Variants in ZNF787 observed in about 807,000 individuals in gnomAD.
The protein encoded by ZNF787 is zinc finger protein 787, also known as TTF-I-interacting peptide 20.
In ZNF787, 7 loss-of-function variants were observed where a neutral mutation model predicts 16.9. The ratio of observed to expected loss-of-function variants is 0.42; its 90% CI spans 0.24 to 0.78. The LOEUF (loss-of-function observed/expected upper bound fraction) is 0.78. ZNF787 is among the 30% of genes least tolerant of loss of function. ZNF787 has a pLI of 0.30. For synonymous variants in ZNF787, 345 were observed against 270.9 expected (o/e 1.27, Z -2.69); for missense variants, 551 against 589.3 (o/e 0.94, Z 0.67).
chr19:56,110,189 G>T (rs1318258476), intron 1 of ZNF787, among the ~76,000 whole-genome samples: 1 of 151,914 alleles, frequency 6.6e-6, no homozygotes, highest in Non-Finnish European at 1.5e-5. Flanking sequence ...GTGAAATCTT[G>T]TCTCTACTAA....
At chr19:56,092,058 C>T (rs541068999) in intron 2 of ZNF787, among the ~76,000 whole-genome samples, 1 of 142,466 alleles carries the variant, frequency 7.0e-6, no homozygotes, top group South Asian at 2.1e-4. Flanking sequence ...CTCACCCTCA[C>T]CCTCACCCTC....
At chr19:56,092,271 C>A (rs533758055) in intron 2 of ZNF787, among the ~76,000 whole-genome samples, 1 of 152,354 alleles carries the variant, frequency 6.6e-6, no homozygotes, top group South Asian at 2.1e-4. Flanking sequence ...TGTCCCCAGA[C>A]GCCTGGCCCT....
rs752011393 is a variant in ZNF787, at chr19:56,088,053, G to T, written c.1119C>A (p.Cys373Ter). The change falls in exon 3 of 3, where the codon TGC becomes TGA. Residue 373 changes from cysteine to a stop codon, truncating the protein, a stop_gained. Transcript: ENST00000610935. LOFTEE classifies it high-confidence loss of function. This position sits in a 1 kb window ranked among gnomAD's most constrained non-coding sequence, Gnocchi z 8.6. ...GGCCCTCCCCACCGCGGCACTCGGG[G>T]CACCGCCCGCCCGCGGCCTCGTCGT... ...DDDDEAAGGR[C>*]PECRGGEGR The T allele has an allele frequency of 8.2e-7, 1 of 1,216,830 alleles. No individual in the cohort carries two copies. The highest frequency in any genetic ancestry group is 3.5e-5 in the Admixed American group (1 of 28,170). The allele number at this position is 1,216,830 out of a possible 1,614,324, so 75.4% of individuals were successfully genotyped here. A position where few individuals can be genotyped will look rare whatever the true frequency, so the allele number is the denominator to read the frequency against.
Position 56,102,323 on chromosome 19 carries a change from G to A in ZNF787, c.79+816C>T, listed in dbSNP as rs117898667. On this transcript the variant is annotated intron_variant, in intron 2 of 2. Transcript: ENST00000610935. ...CTGCAGAAAAGGTCTGCTGAGCCCCGGCCAGCGTGGGGCCAGCGTGGGCCT... is the reference window on the plus strand; with the variant it reads ...CTGCAGAAAAGGTCTGCTGAGCCCCAGCCAGCGTGGGGCCAGCGTGGGCCT... 936 of 152,872 alleles carry A rather than the reference G, an allele frequency of 6.1e-3. 5 individuals carry two copies. The highest frequency in any genetic ancestry group is 9.5e-3 in the Non-Finnish European group (652 of 68,570). 9.5% of individuals were successfully genotyped at this position (152,872 alleles called of 1,614,324 possible).
At chr19:56,102,657 G>GT in intron 2 of ZNF787, 2 of 488,256 alleles carry the variant, frequency 4.1e-6, no homozygotes, top group Non-Finnish European at 7.2e-6. Context: ...TCAGCCTGCG[G>GT]GTTCCCTGCA....
Position 56,088,561 on chromosome 19 carries a change from G to C in ZNF787, c.611C>G (p.Ser204Trp). 1 of 1,493,006 alleles carries C rather than the reference G, an allele frequency of 6.7e-7. No homozygotes were observed. The highest frequency in any genetic ancestry group is 8.9e-7 in the Non-Finnish European group (1 of 1,129,862). 92.5% of individuals were successfully genotyped at this position (1,493,006 alleles called of 1,614,324 possible). ...ARHLRLHPEL[S>W]GPGVAAKVLA... The stretch of plus-strand genomic sequence containing the variant: ...CACCTTGGCCGCCACGCCAGGCCCC[G>C]ACAGCTCCGGGTGCAGCCGCAGGTG... The change falls in exon 3 of 3, where the codon TCG becomes TGG. Residue 204 changes from serine (S) to tryptophan (W), a missense_variant. Physicochemically the swap from Ser to Trp is radical, Grantham distance 177. Coordinates refer to ENST00000610935, the MANE Select transcript of ZNF787 (RefSeq NM_001002836.4). The surrounding 1 kb of genome is among the most constrained non-coding windows in gnomAD (Gnocchi z 8.6).
rs138235423 is a variant in ZNF787 at position 56,100,069 on chromosome 19, C to T, written c.79+3070G>A. Among the ~76,000 whole-genome samples the T allele has an allele frequency of 7.9e-5, 12 of 152,218 alleles. No homozygotes were observed. In the East Asian group the frequency reaches 2.3e-3, roughly 30 times the overall value. ...CGTGGTGGGAAGAAGCGACCATACT[C>T]GGGATGTATTCCCAGAGCAGGTGCC... On this transcript the variant is annotated intron_variant, in intron 2 of 2. Coordinates refer to ENST00000610935, the MANE Select transcript of ZNF787 (RefSeq NM_001002836.4).
intron 1 of ZNF787, among the ~76,000 whole-genome samples, chr19:56,113,978 G>C (rs2030057318): frequency 6.6e-6 from 1 of 152,078 alleles, no homozygotes; most frequent in Non-Finnish European, 1.5e-5. Context: ...TACAAGCGCT[G>C]AACTGTGTAC....
intron 2 of ZNF787, 86 bp downstream of exon 2, chr19:56,103,053 G>A (rs1386803107): frequency 1.6e-5 from 23 of 1,471,456 alleles, no homozygotes; most frequent in Non-Finnish European, 2.2e-5. Context: ...AACAGGGAAG[G>A]GGGGTTTCCT....
At chr19:56,113,918 C>T (rs573470174) in intron 1 of ZNF787, among the ~76,000 whole-genome samples, 1 of 152,300 alleles carries the variant, frequency 6.6e-6, no homozygotes, top group South Asian at 2.1e-4. Flanking sequence ...CAACCTTCGC[C>T]TCCCGGGTTC....
chr19:56,120,628 G>A (rs1168207954), intron 1 of ZNF787, among the ~76,000 whole-genome samples: 1 of 151,590 alleles, frequency 6.6e-6, no homozygotes, highest in Non-Finnish European at 1.5e-5. Context: ...CTCGAAAAGG[G>A]GAAGGAAGGG....
chr19:56,091,370 C>G (rs1019802582), intron 2 of ZNF787, among the ~76,000 whole-genome samples: 1 of 152,228 alleles, frequency 6.6e-6, no homozygotes, highest in Non-Finnish European at 1.5e-5. Flanking sequence ...GACATGAATT[C>G]TGAACACAAA....
Position 56,088,708 on chromosome 19 carries a change from C to T in ZNF787, c.464G>A (p.Cys155Tyr). Residue 155 changes from cysteine (C) to tyrosine (Y), a missense_variant, in exon 3 of 3, where the codon TGC becomes TAC. By Grantham distance (194) the Cys-to-Tyr change is radical. This residue lies in a region of ZNF787 where 40 missense variants were observed against 60.7 expected (regional missense o/e 0.66). Transcript: ENST00000610935. This position sits in a 1 kb window ranked among gnomAD's most constrained non-coding sequence, Gnocchi z 8.6. Reference sequence around the variant, plus strand: ...CTTGCTCTGAGTGAAGCTGCGGCCGCAGTCGGGGCAGGTGTAGGGCTTCTC... The same window carrying T: ...CTTGCTCTGAGTGAAGCTGCGGCCGTAGTCGGGGCAGGTGTAGGGCTTCTC... ...TGEKPYTCPD[C>Y]GRSFTQSKSL... is the part of the protein sequence containing the mutation. 6.2e-7 allele frequency: 1 copy of T among 1,605,548 alleles called. No homozygotes were observed. Among genetic ancestry groups the T allele is most frequent in the African/African-American group, 1.3e-5 (1 of 74,756 alleles).
intron 1 of ZNF787, 85 bp from the exon 2 acceptor site, chr19:56,103,312 C>G: frequency 1.6e-6 from 2 of 1,235,826 alleles, no homozygotes; most frequent in Non-Finnish European, 2.2e-6. Context: ...AGCCTGCAGA[C>G]CCCGGCGTGA....
intron 1 of ZNF787, among the ~76,000 whole-genome samples, chr19:56,120,558 T>C (rs2030260996): frequency 6.6e-6 from 1 of 152,122 alleles, no homozygotes; most frequent in African/African-American, 2.4e-5. Flanking sequence ...TCCCCGTAAT[T>C]ACCCGCCTGA....
chr19:56,087,933 T>C lies in ZNF787; in HGVS notation c.*90A>G, dbSNP rs1036053337. Reference sequence around the variant, plus strand: ...ATGCCGCGGGGTCCATCGCACCCCGTCCGCTTCTCCCTGGGTCTCTTGGTC... The same window carrying C: ...ATGCCGCGGGGTCCATCGCACCCCGCCCGCTTCTCCCTGGGTCTCTTGGTC... On this transcript the variant is annotated 3_prime_UTR_variant, in exon 3 of 3. Transcript: ENST00000610935. 2.3e-5 allele frequency: 29 copies of C among 1,287,068 alleles called. No homozygotes were observed. The highest frequency in any genetic ancestry group is 4.4e-5 in the Admixed American group (1 of 22,890). The allele number at this position is 1,287,068 out of a possible 1,614,324, so 79.7% of individuals were successfully genotyped here.
chr19:56,089,704 C>T (rs920595772), intron 2 of ZNF787, among the ~76,000 whole-genome samples: 12 of 152,316 alleles, frequency 7.9e-5, no homozygotes, highest in East Asian at 7.7e-4. Context: ...CCTGGCTCAA[C>T]GCCACCTCCA....
intron 2 of ZNF787, among the ~76,000 whole-genome samples, chr19:56,099,532 G>A (rs1347155248): frequency 6.6e-6 from 1 of 152,068 alleles, no homozygotes; most frequent in Non-Finnish European, 1.5e-5. Context: ...CCAACACGGT[G>A]AAACCCAGTC....
At chr19:56,095,732 C>A (rs1985844845) in intron 2 of ZNF787, among the ~76,000 whole-genome samples, 1 of 152,244 alleles carries the variant, frequency 6.6e-6, no homozygotes. Flanking sequence ...GCTGCCCCAG[C>A]CCCTTTTGGG....
Sources: allele counts gnomAD v4.1 joint callset (sites outside exome capture counted in the v4.1 genomes callset), GRCh38; gene constraint gnomAD v4.1.1; regional missense constraint gnomAD v4.1.1; non-coding constraint Gnocchi (gnomAD v3.1); transcripts MANE v1.5; gene names NCBI Gene and HGNC (gene_info 2026-07-23, HGNC 2026-07-21).